Variants in NBEA observed in about 807,000 individuals in gnomAD.
NBEA encodes lysosomal-trafficking regulator 2.
In NBEA, 44 loss-of-function variants were observed where a neutral mutation model predicts 343.4. That is an observed-to-expected ratio of 0.13 (90% confidence interval 0.10 to 0.16). The LOEUF is 0.16. Among genes scored for constraint, NBEA ranks in the 10% least tolerant of loss-of-function variants. The probability of loss-of-function intolerance (pLI) is 1.00; values close to 1 mark genes in which losing one functional copy is unlikely to be tolerated. For missense variants in NBEA, 2,555 were observed against 3,631.3 expected (o/e 0.70, Z 7.62); for synonymous variants, 1,175 against 1,238.7 (o/e 0.95, Z 1.08).
chr13:34,990,434 G>A (rs951340120), intron 1 of NBEA, among the ~76,000 whole-genome samples: 16 of 151,168 alleles, frequency 1.1e-4, no homozygotes, highest in African/African-American at 3.4e-4. Flanking sequence ...ACCAAAGTTT[G>A]CAGCTTGCAC....
In NBEA at chr13:35,606,529, T is replaced by G; in HGVS notation, c.7400T>G (p.Leu2467Arg). Residue 2467 changes from leucine to arginine, a missense_variant, in exon 48 of 59, where the codon CTT becomes CGT. Around this residue, in one of 21 missense-constraint regions of NBEA, gnomAD observed 156 missense variants for 185.8 expected, o/e 0.84. Transcript: ENST00000379939. ...GAAGTAGTGGTAAATGATGTTGATC[T>G]TCCCCCTTGGGCAAAAAAACCTGAA... The part of the protein sequence containing the change: ...EDEVVVNDVD[L>R]PPWAKKPEDF... 1 of 1,608,392 alleles carries G rather than the reference T, an allele frequency of 6.2e-7. No individual in the cohort carries two copies. Among genetic ancestry groups the G allele is most frequent in the Non-Finnish European group, 8.5e-7 (1 of 1,176,408 alleles).
intron 35 of NBEA, among the ~76,000 whole-genome samples, chr13:35,294,556 A>T (rs1174992097): frequency 6.6e-6 from 1 of 152,088 alleles, no homozygotes; most frequent in Non-Finnish European, 1.5e-5. Context: ...TGATGAAGTT[A>T]TGTCACATTT....
chr13:35,429,226 C>T (rs977574722), intron 38 of NBEA, among the ~76,000 whole-genome samples: 2 of 152,144 alleles, frequency 1.3e-5, no homozygotes, highest in Admixed American at 6.5e-5. Flanking sequence ...TCCTGGCTGT[C>T]GACTTGGTGT....
chr13:35,305,840 G>C (rs751433932), intron 35 of NBEA, among the ~76,000 whole-genome samples: 2 of 152,128 alleles, frequency 1.3e-5, no homozygotes, highest in Non-Finnish European at 2.9e-5. Context: ...TTGAACAAGA[G>C]TCAGTGATAA....
At chr13:35,319,404 G>A (rs1013503691) in intron 36 of NBEA, among the ~76,000 whole-genome samples, 1 of 152,130 alleles carries the variant, frequency 6.6e-6, no homozygotes, top group African/African-American at 2.4e-5. Context: ...TAGTTGTGTG[G>A]TTTTAAGTGA....
intron 26 of NBEA, 91 bp from the exon 27 acceptor site, chr13:35,173,369 GGAAA>G: frequency 9.0e-7 from 1 of 1,107,764 alleles, no homozygotes; most frequent in East Asian, 2.8e-5. Flanking sequence ...TGAAGCAAGG[GGAAA>G]GAAAGGGAAG....
intron 1 of NBEA, among the ~76,000 whole-genome samples, chr13:35,015,682 G>A (rs1196639784): frequency 6.6e-6 from 1 of 151,870 alleles, no homozygotes; most frequent in African/African-American, 2.4e-5. Flanking sequence ...AAAACATTAT[G>A]AAGATTAGGA....
chr13:35,347,604 T>A (rs891193136), intron 36 of NBEA, among the ~76,000 whole-genome samples: 1 of 152,104 alleles, frequency 6.6e-6, no homozygotes. Context: ...GCCAAATCAT[T>A]GTTTTTAATT....
chr13:35,326,326 T>C (rs934678469), intron 36 of NBEA, among the ~76,000 whole-genome samples: 1 of 152,108 alleles, frequency 6.6e-6, no homozygotes, highest in Non-Finnish European at 1.5e-5. Flanking sequence ...CAGTGGTTTA[T>C]TGTTATCCTT....
At chr13:35,358,064 C>T (rs2040595728) in intron 38 of NBEA, among the ~76,000 whole-genome samples, 1 of 152,052 alleles carries the variant, frequency 6.6e-6, no homozygotes, top group African/African-American at 2.4e-5. Flanking sequence ...CGCTGTCACC[C>T]AGGCTGAAGT....
At chr13:35,286,490 TC>T (rs2035433706) in intron 34 of NBEA, among the ~76,000 whole-genome samples, 2 of 152,140 alleles carry the variant, frequency 1.3e-5, no homozygotes, top group Admixed American at 6.6e-5. Flanking sequence ...GTAATATTCT[TC>T]ATCTCCCACC....
intron 52 of NBEA, among the ~76,000 whole-genome samples, chr13:35,651,400 T>C (rs1220170094): frequency 6.6e-6 from 1 of 151,646 alleles, no homozygotes; most frequent in African/African-American, 2.4e-5. Flanking sequence ...AGCCCTTTCA[T>C]TGATTTCTGC....
At chr13:35,045,462 G>A in intron 4 of NBEA, 61 bp downstream of exon 4, 3 of 1,297,320 alleles carry the variant, frequency 2.3e-6, no homozygotes, top group Non-Finnish European at 3.2e-6. Context: ...CTTTAGTAAG[G>A]TTTAACTTAC....
intron 33 of NBEA, among the ~76,000 whole-genome samples, chr13:35,226,890 C>T (rs1055939924): frequency 6.6e-6 from 1 of 152,160 alleles, no homozygotes; most frequent in Admixed American, 6.6e-5. Context: ...TTTGCATCAT[C>T]ATGCTCACGT....
At chr13:35,115,640 C>T (rs2066457121) in intron 13 of NBEA, among the ~76,000 whole-genome samples, 1 of 151,910 alleles carries the variant, frequency 6.6e-6, no homozygotes, top group Non-Finnish European at 1.5e-5. Context: ...TTAGATAAAT[C>T]CGTTTGTATT....
intron 49 of NBEA, among the ~76,000 whole-genome samples, chr13:35,645,294 T>G (rs181952339): frequency 6.6e-6 from 1 of 152,206 alleles, no homozygotes; most frequent in Admixed American, 6.5e-5. Context: ...AGAGTAATGA[T>G]CATAGTAAAT....
intron 1 of NBEA, among the ~76,000 whole-genome samples, chr13:34,970,052 G>A (rs536801823): frequency 1.3e-5 from 2 of 152,224 alleles, no homozygotes; most frequent in East Asian, 1.9e-4. Flanking sequence ...AACCTTGCCA[G>A]CATCTGTTGG....
intron 6 of NBEA, among the ~76,000 whole-genome samples, chr13:35,055,372 C>T (rs1475732914): frequency 6.6e-6 from 1 of 151,600 alleles, no homozygotes. Flanking sequence ...AATATGAACT[C>T]TTTCATTTAT....
At position 34,963,705 on chromosome 13, in the gene NBEA, T is replaced by TCC. The variant is rs147510308; in HGVS notation, c.294+20599_294+20600dup. ...CTTTTCCATGCTTCTACTCTTTTCT[T>TCC]CCCCCCCCCGATATATTTTTATTCT... On this transcript the variant is annotated intron_variant, in intron 1 of 58. Coordinates refer to ENST00000379939, the MANE Select transcript of NBEA (RefSeq NM_001385012.1). Among the ~76,000 whole-genome samples, 9 of 149,690 alleles carry TCC rather than the reference T, an allele frequency of 6.0e-5. No individual in the cohort carries two copies. The East Asian group carries it at 1.6e-3, about 26-fold the overall frequency.
Sources: allele counts gnomAD v4.1 joint callset (sites outside exome capture counted in the v4.1 genomes callset), GRCh38; gene constraint gnomAD v4.1.1; regional missense constraint gnomAD v4.1.1; transcripts MANE v1.5; gene names NCBI Gene and HGNC (gene_info 2026-07-23, HGNC 2026-07-21).